The following RGS22 variants were observed in gnomAD, a reference collection of about 807,000 sequenced individuals.
RGS22 encodes the protein regulator of G-protein signaling 22.
Under a neutral mutation model 172.9 loss-of-function variants are expected in RGS22, and 148 were observed. That is an observed-to-expected ratio of 0.86 (90% CI 0.75 to 0.98). The LOEUF (loss-of-function observed/expected upper bound fraction) is 0.98, where lower values mean the gene tolerates loss of function less well. RGS22 is among the 50% of genes least tolerant of loss of function. The pLI is 0.00. For synonymous variants in RGS22, 458 were observed against 480.2 expected (o/e 0.95, Z 0.60); for missense variants, 1,347 against 1,440.8 (o/e 0.93, Z 1.05).
At chr8:99,962,353 G>C in intron 27 of RGS22, 41 bp downstream of exon 27, 1 of 1,274,496 alleles carries the variant, frequency 7.8e-7, no homozygotes, top group South Asian at 1.2e-5. Flanking sequence ...TGTATTACGA[G>C]GACATGTGTG....
intron 23 of RGS22, among the ~76,000 whole-genome samples, chr8:99,969,419 G>GC: frequency 6.6e-6 from 1 of 152,258 alleles, no homozygotes; most frequent in Middle Eastern, 3.4e-3. Context: ...TAGGCTAAAT[G>GC]CCCCAATTAA....
chr8:100,074,892 C>T lies in RGS22; in HGVS notation c.340-2662G>A, dbSNP rs11990188. 3.6e-3 allele frequency among the ~76,000 whole-genome samples: 554 copies of T among 152,040 alleles called. 5 individuals are homozygous for T. The highest frequency in any genetic ancestry group is 0.013 in the African/African-American group (530 of 41,466). On this transcript the variant is annotated intron_variant, in intron 4 of 27. Coordinates refer to ENST00000360863, the MANE Select transcript of RGS22 (RefSeq NM_015668.5). ...ACGCCATTCTCCTGCCTCAGCCTGC[C>T]GAGTAGCTGGGACCACAGGCACCCA...
intron 14 of RGS22, among the ~76,000 whole-genome samples, chr8:100,025,876 G>T (rs771710642): frequency 6.6e-6 from 1 of 152,302 alleles, no homozygotes; most frequent in Admixed American, 6.5e-5. Flanking sequence ...GTCTTAACTG[G>T]TTTTTTCTCT....
At chr8:100,047,206 A>G (rs1221148989) in intron 11 of RGS22, among the ~76,000 whole-genome samples, 1 of 152,176 alleles carries the variant, frequency 6.6e-6, no homozygotes, top group Non-Finnish European at 1.5e-5. Context: ...AAAAAGAATT[A>G]GAGGGCAATC....
intron 14 of RGS22, among the ~76,000 whole-genome samples, chr8:100,008,862 CT>C (rs1239386146): frequency 6.6e-6 from 1 of 151,946 alleles, no homozygotes; most frequent in Non-Finnish European, 1.5e-5. Flanking sequence ...TTATGTGCCT[CT>C]TTTTTTTCCT....
intron 2 of RGS22, among the ~76,000 whole-genome samples, chr8:100,098,518 A>G (rs1813159679): frequency 1.3e-5 from 2 of 152,194 alleles, no homozygotes; most frequent in African/African-American, 4.8e-5. Flanking sequence ...TGGTTTGCAA[A>G]ATTATATTTT....
chr8:99,977,272 T>TTC (rs1275340339), intron 23 of RGS22, among the ~76,000 whole-genome samples: 1 of 116,278 alleles, frequency 8.6e-6, no homozygotes, highest in Non-Finnish European at 1.7e-5. Flanking sequence ...CCCGGTTAAT[T>TTC]TTTTTTTTTT....
intron 12 of RGS22, among the ~76,000 whole-genome samples, chr8:100,041,452 G>A (rs1047710183): frequency 1.3e-5 from 2 of 150,922 alleles, no homozygotes; most frequent in East Asian, 1.9e-4. Flanking sequence ...ACCATGCCAC[G>A]GCACTCCAGC....
chr8:99,968,861 G>A (rs143755075), intron 23 of RGS22, among the ~76,000 whole-genome samples: 12,261 of 152,102 alleles, frequency 0.081, 742 homozygotes, highest in African/African-American at 0.16. Context: ...CAACATTCAA[G>A]TTCAGGAAAT....
chr8:100,026,996 G>A (rs971443678), intron 14 of RGS22, among the ~76,000 whole-genome samples: 1 of 152,212 alleles, frequency 6.6e-6, no homozygotes, highest in Non-Finnish European at 1.5e-5. Flanking sequence ...TTGGGAGGCT[G>A]AGGTGGGAGG....
chr8:100,039,422 G>C (rs978531454), intron 13 of RGS22, among the ~76,000 whole-genome samples: 5 of 146,578 alleles, frequency 3.4e-5, no homozygotes, highest in Non-Finnish European at 7.4e-5. Context: ...CTCTCACCCA[G>C]ACTAGAGTGC....
At chr8:100,030,459 C>G (rs1818668711) in intron 14 of RGS22, among the ~76,000 whole-genome samples, 1 of 152,146 alleles carries the variant, frequency 6.6e-6, no homozygotes, top group African/African-American at 2.4e-5. Context: ...GCATTGTTAT[C>G]ACAGGAGATG....
At chr8:100,053,696 T>C (rs1821946186) in intron 9 of RGS22, among the ~76,000 whole-genome samples, 1 of 152,032 alleles carries the variant, frequency 6.6e-6, no homozygotes, top group Non-Finnish European at 1.5e-5. Context: ...AATGCAGTGG[T>C]GCGATCTCAG....
rs1205135976 is a variant in RGS22 at position 100,098,862 on chromosome 8, A to ATTTATTTTAT, written c.55-5363_55-5354dup. ...ATTTTTTTATTTATTTTATTATTTT[A>ATTTATTTTAT]TTTATTTTATTTTATTTTATTTTAT... On this transcript the variant is annotated intron_variant, in intron 2 of 27. Coordinates refer to ENST00000360863, the MANE Select transcript of RGS22 (RefSeq NM_015668.5). 7.8e-3 allele frequency among the ~76,000 whole-genome samples: 427 copies of ATTTATTTTAT among 54,730 alleles called. 3 individuals carry two copies. The highest frequency in any genetic ancestry group is 0.036 in the Middle Eastern group (4 of 112). 35.9% of individuals were successfully genotyped at this position (54,730 alleles called of 152,430 possible).
In RGS22 at chr8:100,051,845, T is replaced by TGTTTA. The variant is rs1563671727; in HGVS notation, c.1689+956_1689+957insTAAAC. 3.5e-4 allele frequency among the ~76,000 whole-genome samples: 19 copies of TGTTTA among 54,282 alleles called. 3 individuals carry two copies. The highest frequency in any genetic ancestry group is 1.9e-3 in the African/African-American group (19 of 9,868). The allele number at this position is 54,282 out of a possible 152,430, so 35.6% of individuals were successfully genotyped here. On this transcript the variant is annotated intron_variant, in intron 10 of 27. Transcript: ENST00000360863. ...TATTTATATATAAATGTTTATATAT[T>TGTTTA]TATATATTTATATATAAATGTTTAT...
rs776750258 is a variant in RGS22, at chr8:100,009,787, C to A, written c.2167-1218G>T. Among the ~76,000 whole-genome samples, 3 of 152,100 alleles carry A rather than the reference C, an allele frequency of 2.0e-5. No homozygotes were observed. In the East Asian group the frequency reaches 5.8e-4, roughly 29 times the overall value. On this transcript the variant is annotated intron_variant, in intron 14 of 27. Transcript: ENST00000360863. The stretch of plus-strand genomic sequence containing the variant: ...TCTTATTTAAAATAATCTTTTAAGA[C>A]TTAAAGGGTCCATGTTAACAACAGA...
chr8:99,967,998 G>C (rs1810932651), intron 23 of RGS22, among the ~76,000 whole-genome samples: 1 of 152,194 alleles, frequency 6.6e-6, no homozygotes, highest in Non-Finnish European at 1.5e-5. Flanking sequence ...GTGGCATCAG[G>C]CAAGTGCCCC....
At chr8:100,056,484 G>A (rs1262519652) in intron 9 of RGS22, among the ~76,000 whole-genome samples, 1 of 152,164 alleles carries the variant, frequency 6.6e-6, no homozygotes. Flanking sequence ...CATAGGCCTG[G>A]AGGCCTAGGG....
chr8:100,048,224 TTATATAA>T (rs1488555647), intron 10 of RGS22, among the ~76,000 whole-genome samples: 1 of 152,080 alleles, frequency 6.6e-6, no homozygotes, highest in Non-Finnish European at 1.5e-5. Flanking sequence ...AAATGTAACA[TTATATAA>T]TACTTAAAAG....
Sources: gnomAD v4.1 joint callset for allele counts (sites outside exome capture counted in the v4.1 genomes callset) on GRCh38, gnomAD v4.1.1 for gene constraint, MANE v1.5 for transcripts, NCBI Gene and HGNC (gene_info 2026-07-23, HGNC 2026-07-21) for gene names.